Variants in PPRC1 observed in about 807,000 individuals in gnomAD.
PPRC1 encodes peroxisome proliferator-activated receptor gamma coactivator-related protein 1.
In PPRC1, 23 loss-of-function variants were observed where a neutral mutation model predicts 132.5. That is an observed-to-expected ratio of 0.17 (90% CI 0.12 to 0.25). The LOEUF (loss-of-function observed/expected upper bound fraction) is 0.25. PPRC1 is among the 10% of genes least tolerant of loss of function. The probability of loss-of-function intolerance (pLI) is 1.00; values close to 1 mark genes in which losing one functional copy is unlikely to be tolerated. For synonymous variants in PPRC1, 872 were observed against 833.5 expected (o/e 1.05, Z -0.80); for missense variants, 2,006 against 2,089.1 (o/e 0.96, Z 0.78).
intron 2 of PPRC1, among the ~76,000 whole-genome samples, 192 bp from the exon 3 acceptor site, chr10:102,138,426 GT>G (rs754429320): frequency 2.7e-4 from 41 of 152,326 alleles, no homozygotes; most frequent in South Asian, 1.0e-3. Flanking sequence ...AGTCTGACAG[GT>G]CTCTGTTGAC....
rs1423870146 is a variant in PPRC1, at chr10:102,150,063, T to A, written c.*34T>A. On this transcript the variant is annotated 3_prime_UTR_variant, in exon 14 of 14. Transcript: ENST00000278070. ...CCTTCCCTGCTATCCTTTTTCTCCT[T>A]TGGAGGTGCCCAACCTCCTCCACCC... 6.5e-7 allele frequency: 1 copy of A among 1,543,782 alleles called. No individual in the cohort carries two copies. Among genetic ancestry groups the A allele is most frequent in the Admixed American group, 1.7e-5 (1 of 59,884 alleles).
At chr10:102,129,056 C>G (rs1464034630), upstream of PPRC1, among the ~76,000 whole-genome samples, 1 of 148,424 alleles carries the variant, frequency 6.7e-6, no homozygotes, top group African/African-American at 2.5e-5. Context: ...CAGCCTCCCG[C>G]GTAGCTGGGA....
intron 12 of PPRC1, 86 bp downstream of exon 12, chr10:102,149,024 G>GCTCC: frequency 6.4e-7 from 1 of 1,563,878 alleles, no homozygotes; most frequent in Non-Finnish European, 8.7e-7. Flanking sequence ...TTGCTCTGGT[G>GCTCC]TGCTGAGCAA....
In PPRC1 at chr10:102,144,261, T is replaced by C. The variant is rs140433922; in HGVS notation, c.3562T>C (p.Cys1188Arg). ...QFEKSEAKKE[C>R]PPPAPADSLA... Reference sequence around the variant, plus strand: ...TGGTTTCTTTGCAGCCAAAAAGGAGTGTCCTCCTCCGGCTCCTGCTGACAG... The same window carrying C: ...TGGTTTCTTTGCAGCCAAAAAGGAGCGTCCTCCTCCGGCTCCTGCTGACAG... Residue 1188 changes from cysteine to arginine, a missense_variant, in exon 7 of 14, where the codon TGT becomes CGT. Physicochemically the swap from Cys to Arg is radical, Grantham distance 180. This residue lies in a region of PPRC1 where 1,914 missense variants were observed against 1,917.2 expected (regional missense o/e 1.00). Coordinates refer to ENST00000278070, the MANE Select transcript of PPRC1 (RefSeq NM_015062.5). The C allele has an allele frequency of 3.0e-5, 48 of 1,613,950 alleles. No homozygotes were observed. In the African/African-American group the frequency reaches 4.9e-4, roughly 17 times the overall value.
chr10:102,144,531 G>T, intron 7 of PPRC1: 1 of 578,860 alleles, frequency 1.7e-6, no homozygotes, highest in South Asian at 2.1e-5. Context: ...ATTCCAGTCG[G>T]GCTCCAAATG....
chr10:102,149,821 G>C, intron 13 of PPRC1, 105 bp from the exon 14 acceptor site: 1 of 873,694 alleles, frequency 1.1e-6, no homozygotes, highest in South Asian at 1.4e-5. Flanking sequence ...AATTAGAGCA[G>C]TTTTCACTCC....
At chr10:102,122,839 C>G in the PPRC1 span, among the ~76,000 whole-genome samples, 2 of 152,168 alleles carry the variant, frequency 1.3e-5, no homozygotes, top group South Asian at 4.1e-4. Flanking sequence ...GCACTAATGC[C>G]AGGCACTGCC....
the PPRC1 span, among the ~76,000 whole-genome samples, chr10:102,124,677 C>T: frequency 7.0e-6 from 1 of 143,642 alleles, no homozygotes; most frequent in African/African-American, 2.6e-5. Flanking sequence ...GAATCTTGCT[C>T]TGTCACCCAG....
chr10:102,146,599 G>T, intron 8 of PPRC1, 73 bp from the exon 9 acceptor site: 1 of 1,506,400 alleles, frequency 6.6e-7, no homozygotes, highest in Non-Finnish European at 8.8e-7. Context: ...GTCTCTGGAG[G>T]CTATATACAC....
intron 5 of PPRC1, among the ~76,000 whole-genome samples, chr10:102,142,650 G>A (rs1280169957): frequency 1.3e-5 from 2 of 151,836 alleles, no homozygotes; most frequent in Admixed American, 6.6e-5. Flanking sequence ...TCCTGACCTC[G>A]TGATCCGCCT....
Position 102,140,528 on chromosome 10 carries a change from G to C in PPRC1, c.2020G>C (p.Val674Leu). Reference protein sequence around the residue: ...APVDLALVDPVPNDLTPVDPV... With the variant: ...APVDLALVDPLPNDLTPVDPV... ...AGTTGATCTAGCACTGGTTGACCCTGTTCCTAATGACCTGACTCCAGTTGA... is the reference window on the plus strand; with the variant it reads ...AGTTGATCTAGCACTGGTTGACCCTCTTCCTAATGACCTGACTCCAGTTGA... Residue 674 changes from valine to leucine, a missense_variant, in exon 5 of 14, where the codon GTT (valine) becomes CTT (leucine). This residue lies in a region of PPRC1 where 1,914 missense variants were observed against 1,917.2 expected (regional missense o/e 1.00). Transcript: ENST00000278070. 6.2e-7 allele frequency: 1 copy of C among 1,614,092 alleles called. No individual in the cohort carries two copies. Among genetic ancestry groups the C allele is most frequent in the Non-Finnish European group, 8.5e-7 (1 of 1,180,028 alleles).
At chr10:102,124,140 A>T in the PPRC1 span, among the ~76,000 whole-genome samples, 1 of 151,066 alleles carries the variant, frequency 6.6e-6, no homozygotes, top group East Asian at 1.9e-4. Context: ...ATCTCAGTTC[A>T]CTGCAACCGC....
At chr10:102,125,540 G>C in the PPRC1 span, among the ~76,000 whole-genome samples, 1 of 152,078 alleles carries the variant, frequency 6.6e-6, no homozygotes, top group Non-Finnish European at 1.5e-5. Flanking sequence ...TTACAGGGGT[G>C]AGCCACCGTG....
In PPRC1 at chr10:102,133,329, G is replaced by T. The variant is rs546356937; in HGVS notation, c.153+108G>T. Reference sequence around the variant, plus strand: ...GGAAGCGCCTGAGAGTCGATGCCGGGTGGCCGCGGGAGCCGGGCCGGAGCA... The same window carrying T: ...GGAAGCGCCTGAGAGTCGATGCCGGTTGGCCGCGGGAGCCGGGCCGGAGCA... On this transcript the variant is annotated intron_variant, in intron 1 of 13. Coordinates refer to ENST00000278070, the MANE Select transcript of PPRC1 (RefSeq NM_015062.5). 3.3e-4 allele frequency: 345 copies of T among 1,032,002 alleles called. No homozygotes were observed. The African/African-American group carries it at 5.3e-3, about 16-fold the overall frequency. 63.9% of individuals were successfully genotyped at this position (1,032,002 alleles called of 1,614,324 possible). A position where few individuals can be genotyped will look rare whatever the true frequency, so the allele number is the denominator to read the frequency against.
At chr10:102,145,837 C>A (rs1256442793) in intron 8 of PPRC1, among the ~76,000 whole-genome samples, 1 of 152,102 alleles carries the variant, frequency 6.6e-6, no homozygotes, top group Non-Finnish European at 1.5e-5. Context: ...TGCCCTCCAG[C>A]CTAGGCGACA....
chr10:102,147,317 C>T lies in PPRC1; in HGVS notation c.4325C>T (p.Ser1442Phe), dbSNP rs1159541099. 1.4e-5 allele frequency: 23 copies of T among 1,612,388 alleles called. No homozygotes were observed. Among genetic ancestry groups the T allele is most frequent in the Non-Finnish European group, 1.9e-5 (22 of 1,180,004 alleles). The change falls in exon 9 of 14, where the codon TCC (serine) becomes TTC (phenylalanine). Residue 1442 changes from serine (S) to phenylalanine (F), a missense_variant. Around this residue, in one of 2 missense-constraint regions of PPRC1, gnomAD observed 1,914 missense variants for 1,917.2 expected, o/e 1.00. Transcript: ENST00000278070. ...TCCAACCGGACTAGCGAAGCATCTT[C>T]CTCATCCTCATCATCGTCTTCCTCA... is the stretch of plus-strand genomic sequence containing the variant. ...SGSNRTSEAS[S>F]SSSSSSSSSR... is the part of the protein sequence containing the mutation.
At chr10:102,133,815 G>T (rs963521189) in intron 1 of PPRC1, among the ~76,000 whole-genome samples, 2 of 152,076 alleles carry the variant, frequency 1.3e-5, no homozygotes, top group Non-Finnish European at 2.9e-5. Flanking sequence ...TCTCCTGCCG[G>T]GGCTGGAGGC....
rs1564939846 is a variant in PPRC1 at position 102,140,299 on chromosome 10, T to C, written c.1791T>C (p.Val597=). 6.2e-7 allele frequency: 1 copy of C among 1,614,142 alleles called. No homozygotes were observed. Among genetic ancestry groups the C allele is most frequent in the East Asian group, 2.2e-5 (1 of 44,882 alleles). ...CTGTTGAAGCTGATCCCACTGCAGT[T>C]GGCCCTGTTCTAGCTGGCCCTGTAC... The part of the protein sequence containing the change: ...VDSVEADPTA[V]GPVLAGPVPV... Residue 597 remains valine, a synonymous_variant, in exon 5 of 14, where the codon GTT becomes GTC. Transcript: ENST00000278070.
At position 102,141,132 on chromosome 10, in the gene PPRC1, T is replaced by C. The variant is rs149017426; in HGVS notation, c.2624T>C (p.Met875Thr). 4,743 of 1,614,030 alleles carry C rather than the reference T, an allele frequency of 2.9e-3. 11 individuals carry two copies. Among genetic ancestry groups the C allele is most frequent in the Non-Finnish European group, 3.5e-3 (4,125 of 1,179,966 alleles). The stretch of plus-strand genomic sequence containing the variant: ...CCTGCTGTGCCCACACCTCCCTCGA[T>C]GTCTGCTGCCCTGCCTTTCCCTGCA... ...VSPAVPTPPS[M>T]SAALPFPAGG... The change falls in exon 5 of 14, where the codon ATG becomes ACG. Residue 875 changes from methionine to threonine, a missense_variant. Coordinates refer to ENST00000278070, the MANE Select transcript of PPRC1 (RefSeq NM_015062.5).
Sources: allele counts gnomAD v4.1 joint callset (sites outside exome capture counted in the v4.1 genomes callset), GRCh38; gene constraint gnomAD v4.1.1; regional missense constraint gnomAD v4.1.1; transcripts MANE v1.5; gene names NCBI Gene and HGNC (gene_info 2026-07-23, HGNC 2026-07-21).